PTCH1: variants seen among roughly 807,000 people sequenced by gnomAD.
The protein encoded by PTCH1 is patched 1, also known as protein patched homolog 1.
Under a neutral mutation model 144.6 loss-of-function variants are expected in PTCH1, and 14 were observed. The ratio of observed to expected loss-of-function variants is 0.10; its 90% CI spans 0.06 to 0.15. The LOEUF is 0.15. Ranked by LOEUF, PTCH1 falls within the 10% of genes least tolerant of loss-of-function variation. The pLI is 1.00. For synonymous variants in PTCH1, 833 were observed against 793.6 expected, an observed-to-expected ratio of 1.05 and a Z score of -0.83; for missense variants, 1,623 against 1,948.3, an observed-to-expected ratio of 0.83 and a Z score of 3.14.
At chr9:95,507,827 C>T in intron 1 of PTCH1, 1 of 860,410 alleles carries the variant, frequency 1.2e-6, no homozygotes, top group Non-Finnish European at 1.6e-6. Flanking sequence ...AGGACAGTGC[C>T]GCGGCCGCCC....
chr9:95,498,213 A>T (rs1420978910), intron 2 of PTCH1, among the ~76,000 whole-genome samples: 2 of 152,198 alleles, frequency 1.3e-5, no homozygotes, highest in Non-Finnish European at 2.9e-5. Flanking sequence ...TTATCCGAAC[A>T]ATAATAAATA....
intron 15 of PTCH1, among the ~76,000 whole-genome samples, chr9:95,465,952 G>C (rs118162639): frequency 1.3e-5 from 2 of 152,132 alleles, no homozygotes; most frequent in African/African-American, 4.8e-5. Context: ...ACGTGCAGTC[G>C]GTCAGGAGAA....
rs1026285028 is a variant in PTCH1 at position 95,509,226 on chromosome 9, T to C, written c.-865A>G. 3.2e-5 allele frequency among the ~76,000 whole-genome samples: 4 copies of C among 123,308 alleles called. No individual in the cohort carries two copies. The highest frequency in any genetic ancestry group is 1.2e-4 in the African/African-American group (4 of 32,436). The allele number at this position is 123,308 out of a possible 152,430, so 80.9% of individuals were successfully genotyped here. A position where few individuals can be genotyped will look rare whatever the true frequency, so the allele number is the denominator to read the frequency against. ...TGGAAGAAGAAAAAAAAGAACTCTCTCCATTTGGAGAAAGAAGAGGAGGAG... is the reference window on the plus strand; with the variant it reads ...TGGAAGAAGAAAAAAAAGAACTCTCCCCATTTGGAGAAAGAAGAGGAGGAG... On this transcript the variant is annotated 5_prime_UTR_variant, in exon 1 of 24. Transcript: ENST00000331920.
At chr9:95,514,092 T>A (rs28491365), upstream of PTCH1, 31,519 of 151,962 alleles carry the variant, frequency 0.21, 3,465 homozygotes, top group Non-Finnish European at 0.23. Context: ...GAAAGGGGAA[T>A]TAGACTTTAT....
At position 95,480,058 on chromosome 9, in the gene PTCH1, T is replaced by A. The variant is rs2118394366; in HGVS notation, c.978A>T (p.Gly326=). The change falls in exon 7 of 24, where the codon GGA becomes GGT. Residue 326 remains glycine (G), a synonymous_variant. Transcript: ENST00000331920. ...PLDMALVLNG[G]CHGLSRKYMH... ...TATACTTTCTGGATAAGCCATGACA[T>A]CCACCATTCAAAACAAGGGCCATAT... 1 of 1,613,864 alleles carries A rather than the reference T, an allele frequency of 6.2e-7. No homozygotes were observed. Among genetic ancestry groups the A allele is most frequent in the African/African-American group, 1.3e-5 (1 of 74,898 alleles).
chr9:95,485,726 C>A lies in PTCH1; in HGVS notation c.543G>T (p.Ser181=), dbSNP rs1461606997. 2 of 1,614,016 alleles carry A rather than the reference C, an allele frequency of 1.2e-6. No individual in the cohort carries two copies. Among genetic ancestry groups the A allele is most frequent in the African/African-American group, 1.3e-5 (1 of 74,906 alleles). The change falls in exon 3 of 24, where the codon TCG becomes TCT. Residue 181 remains serine (S), a synonymous_variant. Transcript: ENST00000331920. ...TTEALLQHLD[S]ALQASRVHVY... ...CATGGACACGGCTGGCCTGGAGTGC[C>A]GAGTCCAGGTGTTGTAGGAGCGCTT...
rs1837933493 is a variant in PTCH1, at chr9:95,446,771, G to A, written c.*1+140C>T. 4.5e-6 allele frequency: 5 copies of A among 1,105,970 alleles called. No individual in the cohort carries two copies. The Admixed American group carries it at 9.4e-5, about 21-fold the overall frequency. The allele number at this position is 1,105,970 out of a possible 1,614,324, so 68.5% of individuals were successfully genotyped here. A position where few individuals can be genotyped will look rare whatever the true frequency, so the allele number is the denominator to read the frequency against. Reference sequence around the variant, plus strand: ...CTTGGACACATCAGCCTTGCTCTGGGGATAAAAGGTCACTGGGGTCCAGCG... The same window carrying A: ...CTTGGACACATCAGCCTTGCTCTGGAGATAAAAGGTCACTGGGGTCCAGCG... On this transcript the variant is annotated intron_variant, in intron 23 of 23. Transcript: ENST00000331920.
chr9:95,474,261 G>GCAGA (rs1840842612), intron 12 of PTCH1: 1 of 310,546 alleles, frequency 3.2e-6, no homozygotes. Flanking sequence ...GAGAGAATGG[G>GCAGA]CAGACAGGGT....
intron 2 of PTCH1, among the ~76,000 whole-genome samples, chr9:95,490,554 CACA>C (rs1261617696): frequency 9.4e-5 from 14 of 148,842 alleles, no homozygotes; most frequent in African/African-American, 3.4e-4. Context: ...CACACACACA[CACA>C]AAAGAAAGAT....
At chr9:95,499,452 G>C (rs1055581097) in intron 2 of PTCH1, among the ~76,000 whole-genome samples, 1 of 141,638 alleles carries the variant, frequency 7.1e-6, no homozygotes, top group African/African-American at 2.6e-5. Flanking sequence ...CACTTGGAAG[G>C]AAATGACGTG....
At chr9:95,461,775 TCA>T in intron 16 of PTCH1, 79 bp downstream of exon 16, 1 of 1,576,308 alleles carries the variant, frequency 6.3e-7, no homozygotes, top group East Asian at 2.3e-5. Flanking sequence ...CAGGGTGGGG[TCA>T]CACGCTGTCA....
intron 16 of PTCH1, 78 bp downstream of exon 16, chr9:95,461,778 C>T (rs551290066): frequency 1.3e-6 from 2 of 1,588,932 alleles, no homozygotes; most frequent in Non-Finnish European, 1.7e-6. Context: ...GGTGGGGTCA[C>T]ACGCTGTCAA....
At chr9:95,506,233 T>C (rs1843616648) in intron 2 of PTCH1, 174 bp downstream of exon 2, 3 of 705,054 alleles carry the variant, frequency 4.3e-6, no homozygotes, top group African/African-American at 1.9e-5. Context: ...AGCGCGGCCT[T>C]TGTCGGGCGG....
In PTCH1 at chr9:95,493,899, G is replaced by A. The variant is rs78040623; in HGVS notation, c.395-8025C>T. Among the ~76,000 whole-genome samples the A allele has an allele frequency of 6.1e-3, 930 of 152,258 alleles. 8 individuals are homozygous for A. Among genetic ancestry groups the A allele is most frequent in the African/African-American group, 0.022 (893 of 41,534 alleles). On this transcript the variant is annotated intron_variant, in intron 2 of 23. Transcript: ENST00000331920. ...CACCCATCTCTTTTATTCAGGAGGA[G>A]CCAACCGCTGTCCAAGTTTCTGGGC...
chr9:95,489,958 G>A (rs1235807735), intron 2 of PTCH1, among the ~76,000 whole-genome samples: 1 of 151,294 alleles, frequency 6.6e-6, no homozygotes, highest in East Asian at 2.0e-4. Context: ...CCGCCACCAG[G>A]CCTGGCTAAT....
intron 18 of PTCH1, 124 bp from the exon 19 acceptor site, chr9:95,456,537 C>T: frequency 7.5e-7 from 1 of 1,326,294 alleles, no homozygotes; most frequent in Non-Finnish European, 1.0e-6. Context: ...GACTGACTTG[C>T]TTTAACTCTG....
rs757437208 is a variant in PTCH1, at chr9:95,480,031, C to T, written c.1005G>A (p.Met335Ile). 1 of 1,614,016 alleles carries T rather than the reference C, an allele frequency of 6.2e-7. No homozygotes were observed. Among genetic ancestry groups the T allele is most frequent in the Non-Finnish European group, 8.5e-7 (1 of 1,180,034 alleles). ...GGCHGLSRKYMHWQEELIVGG... is the reference protein window; with the variant it reads ...GGCHGLSRKYIHWQEELIVGG... The stretch of plus-strand genomic sequence containing the variant: ...CCACAATCAACTCCTCCTGCCAGTG[C>T]ATATACTTTCTGGATAAGCCATGAC... The change falls in exon 7 of 24, where the codon ATG becomes ATA. Residue 335 changes from methionine (M) to isoleucine (I), a missense_variant. Around this residue, in one of 7 missense-constraint regions of PTCH1, gnomAD observed 230 missense variants for 271.0 expected, o/e 0.85. Transcript: ENST00000331920.
In PTCH1 at chr9:95,467,177, C is replaced by A. The variant is rs1840081126; in HGVS notation, c.2499G>T (p.Met833Ile). Residue 833 changes from methionine (M) to isoleucine (I), a missense_variant, in exon 15 of 24, where the codon ATG becomes ATT. By Grantham distance (10) the Met-to-Ile change is conservative. Coordinates refer to ENST00000331920, the MANE Select transcript of PTCH1 (RefSeq NM_000264.5). ...TGGGAAGCTGTTTGTTTTCTTCCAA[C>A]ATGACATACTTCACGTTACTGAAAC... ...HRSFSNVKYV[M>I]LEENKQLPKM... 1 of 1,614,256 alleles carries A rather than the reference C, an allele frequency of 6.2e-7. No homozygotes were observed. The highest frequency in any genetic ancestry group is 8.5e-7 in the Non-Finnish European group (1 of 1,180,046).
chr9:95,465,583 G>C (rs1258730607), intron 15 of PTCH1, among the ~76,000 whole-genome samples: 1 of 152,144 alleles, frequency 6.6e-6, no homozygotes, highest in East Asian at 1.9e-4. Context: ...ACAAAGTTCT[G>C]GTAAACACAA....
Sources: gnomAD v4.1 joint callset for allele counts (sites outside exome capture counted in the v4.1 genomes callset) on GRCh38, gnomAD v4.1.1 for gene constraint, gnomAD v4.1.1 regional missense constraint, MANE v1.5 for transcripts, NCBI Gene and HGNC (gene_info 2026-07-23, HGNC 2026-07-21) for gene names.